Variants in GINS1 observed in about 807,000 individuals in gnomAD.
GINS1 encodes the protein GINS complex subunit 1.
Under a neutral mutation model 34.9 loss-of-function variants are expected in GINS1, and 26 were observed. The observed-to-expected ratio is 0.74, with a 90% confidence interval of 0.55 to 1.03. GINS1 has a LOEUF of 1.03. Among genes scored for constraint, GINS1 ranks in the 50% least tolerant of loss-of-function variants. The probability of loss-of-function intolerance (pLI) is 0.00; values close to 1 mark genes in which losing one functional copy is unlikely to be tolerated. For synonymous variants in GINS1, 97 were observed against 84.4 expected, an observed-to-expected ratio of 1.15 and a Z score of -0.82; for missense variants, 235 against 237.9, an observed-to-expected ratio of 0.99 and a Z score of 0.08.
intron 4 of GINS1, among the ~76,000 whole-genome samples, chr20:25,418,778 A>G (rs1245197204): frequency 1.3e-5 from 2 of 152,194 alleles, no homozygotes; most frequent in African/African-American, 4.8e-5. Context: ...TGATGTCCAG[A>G]GTGTTTATTG....
At position 25,446,612 on chromosome 20, in the gene GINS1, C is replaced by T. The variant is rs2090513971; in HGVS notation, c.*621C>T. 1 of 152,176 alleles carries T rather than the reference C, an allele frequency of 6.6e-6. No individual in the cohort carries two copies. Among genetic ancestry groups the T allele is most frequent in the Admixed American group, 6.5e-5 (1 of 15,272 alleles). 9.4% of individuals were successfully genotyped at this position (152,176 alleles called of 1,614,324 possible). On this transcript the variant is annotated 3_prime_UTR_variant, in exon 7 of 7. Transcript: ENST00000262460. ...TTTCAGTATATATAATGTTTAATGA[C>T]ATACTAATTTATCATCTGGCTATTT...
At chr20:25,408,908 C>A in intron 1 of GINS1, 1 of 983,364 alleles carries the variant, frequency 1.0e-6, no homozygotes, top group Non-Finnish European at 1.2e-6. Context: ...AGGACACATT[C>A]TGCTGGAAGA....
At chr20:25,418,271 G>A in intron 4 of GINS1, 76 bp downstream of exon 4, 1 of 881,646 alleles carries the variant, frequency 1.1e-6, no homozygotes, top group Non-Finnish European at 1.9e-6. Context: ...AGTGTTTATT[G>A]GTATTCCTCT....
At position 25,421,541 on chromosome 20, in the gene GINS1, G is replaced by A. The variant is rs1278424903; in HGVS notation, c.330+3346G>A. ...AATAATAACATCTTTTGTTTTCAAA[G>A]TAGTAACATCTTTTATGTTTTTAAA... On this transcript the variant is annotated intron_variant, in intron 4 of 6. Coordinates refer to ENST00000262460, the MANE Select transcript of GINS1 (RefSeq NM_021067.5). Among the ~76,000 whole-genome samples the A allele has an allele frequency of 2.6e-5, 4 of 152,092 alleles. No individual in the cohort carries two copies. In the East Asian group the frequency reaches 7.7e-4, roughly 29 times the overall value.
chr20:25,421,386 G>A (rs1600926719), intron 4 of GINS1, among the ~76,000 whole-genome samples: 1 of 152,254 alleles, frequency 6.6e-6, no homozygotes, highest in African/African-American at 2.4e-5. Context: ...ATGATCATGT[G>A]TTAATGTTTA....
chr20:25,413,748 T>G (rs1377574934), intron 1 of GINS1, 42 bp from the exon 2 acceptor site: 3 of 1,092,378 alleles, frequency 2.7e-6, no homozygotes, highest in Non-Finnish European at 1.4e-6. Context: ...ACAGAATTGG[T>G]GGGGAAATCA....
At chr20:25,429,696 A>G (rs996716157) in intron 5 of GINS1, among the ~76,000 whole-genome samples, 5 of 152,126 alleles carry the variant, frequency 3.3e-5, no homozygotes, top group Admixed American at 6.6e-5. Context: ...GAATTCATTT[A>G]TTAGTTCTAA....
chr20:25,421,705 C>G (rs2090356504), intron 4 of GINS1, among the ~76,000 whole-genome samples: 2 of 152,060 alleles, frequency 1.3e-5, no homozygotes, highest in Non-Finnish European at 2.9e-5. Flanking sequence ...AAATTTGTGA[C>G]TATATCAGTA....
At chr20:25,426,096 C>G (rs762382097) in intron 5 of GINS1, among the ~76,000 whole-genome samples, 34 of 152,268 alleles carry the variant, frequency 2.2e-4, no homozygotes, top group Admixed American at 6.5e-4. Context: ...CTGTAACTAC[C>G]TCATGTGAGT....
intron 6 of GINS1, among the ~76,000 whole-genome samples, chr20:25,443,980 T>TATCTATCTATCTATCTATC (rs2090496781): frequency 2.1e-5 from 3 of 142,802 alleles, no homozygotes; most frequent in Admixed American, 7.2e-5. Context: ...TAGGAAACAT[T>TATCTATCTATCTATCTATC]TATCTATCTA....
At chr20:25,421,082 C>A in intron 4 of GINS1, 1 of 397,582 alleles carries the variant, frequency 2.5e-6, no homozygotes, top group Non-Finnish European at 3.4e-6. Flanking sequence ...GTGACTGAAG[C>A]ACATGGGCTT....
In GINS1 at chr20:25,408,808, A is replaced by G. The variant is rs543460512; in HGVS notation, c.75+913A>G. 18 of 475,488 alleles carry G rather than the reference A, an allele frequency of 3.8e-5. No homozygotes were observed. In the South Asian group the frequency reaches 1.6e-3, roughly 43 times the overall value. 29.5% of individuals were successfully genotyped at this position (475,488 alleles called of 1,614,324 possible). A position where few individuals can be genotyped will look rare whatever the true frequency, so the allele number is the denominator to read the frequency against. ...CCTAAGGTGACACAGCAAGAAAGCT[A>G]GGATTTGAACCCTGGCACTCTGGCT... is the stretch of plus-strand genomic sequence containing the variant. On this transcript the variant is annotated intron_variant, in intron 1 of 6. Coordinates refer to ENST00000262460, the MANE Select transcript of GINS1 (RefSeq NM_021067.5).
At chr20:25,417,236 A>G in intron 3 of GINS1, 34 bp downstream of exon 3, 1 of 1,011,350 alleles carries the variant, frequency 9.9e-7, no homozygotes, top group Non-Finnish European at 1.6e-6. Context: ...GGGTGGCAGG[A>G]TTTTCTGTGT....
chr20:25,428,459 A>G lies in GINS1; in HGVS notation c.447+3132A>G, dbSNP rs1194882751. Among the ~76,000 whole-genome samples the G allele has an allele frequency of 2.4e-5, 3 of 125,176 alleles. No individual in the cohort carries two copies. The East Asian group carries it at 6.6e-4, about 27-fold the overall frequency. The allele number at this position is 125,176 out of a possible 152,430, so 82.1% of individuals were successfully genotyped here. On this transcript the variant is annotated intron_variant, in intron 5 of 6. Transcript: ENST00000262460. ...CTGTCTGTCGCCCAGGCTGGAGTGC[A>G]GTGGCACAATCTCGGCTCACTGCAA...
intron 6 of GINS1, among the ~76,000 whole-genome samples, chr20:25,445,640 C>T (rs2090507958): frequency 6.6e-6 from 1 of 152,168 alleles, no homozygotes; most frequent in South Asian, 2.1e-4. Flanking sequence ...ATCCACTGCC[C>T]CTGGGCCAAC....
intron 4 of GINS1, among the ~76,000 whole-genome samples, chr20:25,420,629 G>C (rs2090349011): frequency 6.6e-6 from 1 of 151,672 alleles, no homozygotes; most frequent in Non-Finnish European, 1.5e-5. Flanking sequence ...AAAATACAAA[G>C]ATTAGCTGGG....
intron 5 of GINS1, among the ~76,000 whole-genome samples, chr20:25,427,052 A>G (rs1215501074): frequency 6.6e-6 from 1 of 152,068 alleles, no homozygotes; most frequent in Non-Finnish European, 1.5e-5. Context: ...TGGTAATACT[A>G]TGTTTGAGGA....
At chr20:25,436,892 C>T (rs938331427) in intron 5 of GINS1, among the ~76,000 whole-genome samples, 1 of 152,138 alleles carries the variant, frequency 6.6e-6, no homozygotes, top group Non-Finnish European at 1.5e-5. Flanking sequence ...TTGCTGAAAA[C>T]CAGACATTTC....
chr20:25,415,402 C>T (rs62211468), intron 2 of GINS1, among the ~76,000 whole-genome samples: 3,318 of 152,222 alleles, frequency 0.022, 44 homozygotes, highest in Middle Eastern at 0.082. Flanking sequence ...ATGGCTTTCC[C>T]GGGCTGGGCA....
Sources: allele counts gnomAD v4.1 joint callset (sites outside exome capture counted in the v4.1 genomes callset), GRCh38; gene constraint gnomAD v4.1.1; transcripts MANE v1.5; gene names NCBI Gene and HGNC (gene_info 2026-07-23, HGNC 2026-07-21).